Variants in CAMK2D observed in about 807,000 individuals in gnomAD.
CAMK2D encodes the protein calcium/calmodulin-dependent protein kinase type II subunit delta.
In CAMK2D, 37 loss-of-function variants were observed where a neutral mutation model predicts 84.0. The observed-to-expected ratio is 0.44, with a 90% CI of 0.34 to 0.58. CAMK2D has a LOEUF of 0.58. Ranked by LOEUF, CAMK2D falls within the 20% of genes least tolerant of loss-of-function variation. The pLI is 0.02. For synonymous variants in CAMK2D, 202 were observed against 212.5 expected (o/e 0.95, Z 0.43); for missense variants, 448 against 652.5 (o/e 0.69, Z 3.41).
chr4:113,543,915 C>CCGAGTAG (rs2098549333), intron 6 of CAMK2D, among the ~76,000 whole-genome samples: 1 of 151,988 alleles, frequency 6.6e-6, no homozygotes, highest in African/African-American at 2.4e-5. Context: ...CCTCAGCCTC[C>CCGAGTAG]CGAGTAGCTG....
chr4:113,481,394 T>C (rs1478676623), intron 16 of CAMK2D, among the ~76,000 whole-genome samples: 1 of 152,188 alleles, frequency 6.6e-6, no homozygotes, highest in Non-Finnish European at 1.5e-5. Flanking sequence ...AGGAAACAAG[T>C]AAAATAGATA....
At chr4:113,637,854 GAAATAATAATAAATACT>G (rs1008611419) in intron 3 of CAMK2D, among the ~76,000 whole-genome samples, 8 of 152,056 alleles carry the variant, frequency 5.3e-5, no homozygotes, top group South Asian at 2.1e-4. Flanking sequence ...AAATGTTTTT[GAAATAATAATAAATACT>G]AAATAATAAT....
At chr4:113,701,757 T>C (rs1486308100) in intron 2 of CAMK2D, among the ~76,000 whole-genome samples, 1 of 152,132 alleles carries the variant, frequency 6.6e-6, no homozygotes, top group African/African-American at 2.4e-5. Flanking sequence ...TTGTCCAGGA[T>C]GGAGTTCAGT....
intron 2 of CAMK2D, among the ~76,000 whole-genome samples, chr4:113,694,600 G>C (rs1208643569): frequency 6.6e-6 from 1 of 152,038 alleles, no homozygotes; most frequent in African/African-American, 2.4e-5. Context: ...CAAAACCTGT[G>C]GGGTATTGGA....
At chr4:113,591,749 C>T (rs2098886936) in intron 4 of CAMK2D, among the ~76,000 whole-genome samples, 1 of 152,156 alleles carries the variant, frequency 6.6e-6, no homozygotes, top group Admixed American at 6.5e-5. Flanking sequence ...CTACAATTTT[C>T]CACGTCTGTC....
intron 8 of CAMK2D, among the ~76,000 whole-genome samples, chr4:113,525,503 T>C (rs934876053): frequency 6.6e-6 from 1 of 152,192 alleles, no homozygotes; most frequent in African/African-American, 2.4e-5. Flanking sequence ...CTTGCTTCAT[T>C]AATGTTTATT....
chr4:113,555,347 C>A (rs2098657353), intron 4 of CAMK2D, among the ~76,000 whole-genome samples: 1 of 152,070 alleles, frequency 6.6e-6, no homozygotes, highest in African/African-American at 2.4e-5. Flanking sequence ...GAAACAGGAA[C>A]CAAGAGCGGC....
intron 16 of CAMK2D, among the ~76,000 whole-genome samples, chr4:113,494,864 C>T (rs766517014): frequency 6.6e-5 from 10 of 152,154 alleles, no homozygotes; most frequent in Non-Finnish European, 1.2e-4. Context: ...TTAAGCCCGT[C>T]GGAAAAGCGC....
intron 16 of CAMK2D, among the ~76,000 whole-genome samples, chr4:113,489,940 C>A (rs1164423480): frequency 1.3e-4 from 20 of 150,276 alleles, no homozygotes; most frequent in African/African-American, 4.4e-4. Flanking sequence ...TAAATGTCTT[C>A]TTTTGAGAAG....
chr4:113,547,684 A>G lies in CAMK2D; in HGVS notation c.374T>C (p.Leu125Pro). 6.4e-7 allele frequency: 1 copy of G among 1,569,240 alleles called. No homozygotes were observed. The highest frequency in any genetic ancestry group is 8.6e-7 in the Non-Finnish European group (1 of 1,164,696). The change falls in exon 6 of 21, where the codon CTA becomes CCA. Residue 125 changes from leucine (L) to proline (P), a missense_variant. Leu to Pro is a moderately conservative substitution (Grantham distance 98, BLOSUM62 -3). Transcript: ENST00000511664. ...HCIQQILEAV[L>P]HCHQMGVVHR... ...GACCACGCCCATCTGATGGCAGTGT[A>G]GCACAGCCTCCAGGATCTGCTGAAT...
chr4:113,556,526 G>T (rs2098665609), intron 4 of CAMK2D, among the ~76,000 whole-genome samples: 1 of 152,156 alleles, frequency 6.6e-6, no homozygotes, highest in Admixed American at 6.5e-5. Flanking sequence ...TCATTAGTAG[G>T]AGTGTTACTG....
intron 2 of CAMK2D, among the ~76,000 whole-genome samples, chr4:113,741,845 C>A (rs2099593733): frequency 6.6e-6 from 1 of 152,168 alleles, no homozygotes; most frequent in African/African-American, 2.4e-5. Context: ...GACTTTCTTT[C>A]TACTCCTGTG....
chr4:113,590,785 A>G (rs1322914083), intron 4 of CAMK2D, among the ~76,000 whole-genome samples: 2 of 152,194 alleles, frequency 1.3e-5, no homozygotes, highest in African/African-American at 4.8e-5. Flanking sequence ...CTGGGACAGA[A>G]TAACTCTACT....
At chr4:113,754,119 T>C in intron 2 of CAMK2D, 1 of 886,536 alleles carries the variant, frequency 1.1e-6, no homozygotes, top group Non-Finnish European at 1.4e-6. Context: ...ACAGTTAAAA[T>C]ATTGCTAATA....
intron 2 of CAMK2D, among the ~76,000 whole-genome samples, chr4:113,672,375 G>T (rs1034555124): frequency 6.6e-6 from 1 of 152,108 alleles, no homozygotes; most frequent in African/African-American, 2.4e-5. Context: ...TTAAGATACT[G>T]TAAGTTTGAG....
At chr4:113,528,210 A>T (rs2098435129) in intron 8 of CAMK2D, among the ~76,000 whole-genome samples, 3 of 152,182 alleles carry the variant, frequency 2.0e-5, no homozygotes, top group African/African-American at 7.2e-5. Context: ...TAGAAACTTC[A>T]TTTATAAATA....
At chr4:113,626,603 T>C (rs139289302) in intron 3 of CAMK2D, among the ~76,000 whole-genome samples, 57 of 152,284 alleles carry the variant, frequency 3.7e-4, no homozygotes, top group African/African-American at 1.3e-3. Flanking sequence ...CAAGGAAGAA[T>C]AGAAGCACTT....
chr4:113,519,395 G>T (rs1479440501), intron 8 of CAMK2D, among the ~76,000 whole-genome samples: 1 of 152,100 alleles, frequency 6.6e-6, no homozygotes, highest in Non-Finnish European at 1.5e-5. Context: ...AGAAAAGCAG[G>T]CAATATGTAA....
chr4:113,489,173 T>C (rs370993390), intron 16 of CAMK2D, among the ~76,000 whole-genome samples: 2 of 151,990 alleles, frequency 1.3e-5, no homozygotes, highest in South Asian at 4.1e-4. Context: ...AGTTTTAGGG[T>C]ACATGTGCAC....
Sources: gnomAD v4.1 joint callset for allele counts (sites outside exome capture counted in the v4.1 genomes callset) on GRCh38, gnomAD v4.1.1 for gene constraint, MANE v1.5 for transcripts, NCBI Gene and HGNC (gene_info 2026-07-23, HGNC 2026-07-21) for gene names.